FBXO34: variants seen among roughly 807,000 people sequenced by gnomAD.
The protein encoded by FBXO34 is F-box only protein 34.
A neutral mutation model predicts 24.5 loss-of-function variants in FBXO34; 12 were observed. That is an observed-to-expected ratio of 0.49 (90% CI 0.31 to 0.79). The LOEUF is 0.79. Ranked by LOEUF, FBXO34 falls within the 30% of genes least tolerant of loss-of-function variation. The probability of loss-of-function intolerance (pLI) is 0.04; values close to 1 mark genes in which losing one functional copy is unlikely to be tolerated. For synonymous variants in FBXO34, 320 were observed against 311.9 expected (o/e 1.03, Z -0.27); for missense variants, 823 against 857.7 (o/e 0.96, Z 0.51).
Position 55,351,198 on chromosome 14 carries a change from G to A in FBXO34, c.808G>A (p.Gly270Ser). 1.2e-6 allele frequency: 2 copies of A among 1,614,200 alleles called. No individual in the cohort carries two copies. The highest frequency in any genetic ancestry group is 1.7e-6 in the Non-Finnish European group (2 of 1,180,042). ...CACAGAAAGGGGAAATCTTGAGGTT[G>A]GTGAACCACAGAGCGAACCAGTCCG... Reference protein sequence around the residue: ...EPTERGNLEVGEPQSEPVRVL... With the variant: ...EPTERGNLEVSEPQSEPVRVL... Residue 270 changes from glycine (G) to serine (S), a missense_variant, in exon 2 of 2, where the codon GGT becomes AGT. Physicochemically the swap from Gly to Ser is moderately conservative, Grantham distance 56. This residue lies in a region of FBXO34 where 693 missense variants were observed against 659.1 expected (regional missense o/e 1.05). Coordinates refer to ENST00000313833, the MANE Select transcript of FBXO34 (RefSeq NM_017943.4).
downstream of FBXO34, among the ~76,000 whole-genome samples, chr14:55,358,202 A>AAGG (rs1884548436): frequency 6.6e-6 from 1 of 152,192 alleles, no homozygotes; most frequent in South Asian, 2.1e-4. Context: ...TGGCTGCCCT[A>AAGG]GTGCCTAAGC....
At chr14:55,416,443 AAAAT>A in the FBXO34 span, among the ~76,000 whole-genome samples, 2 of 152,182 alleles carry the variant, frequency 1.3e-5, no homozygotes, top group Non-Finnish European at 1.5e-5. Flanking sequence ...ATAAAGGAAA[AAAAT>A]AAAAAGAGAA....
the FBXO34 span, chr14:55,433,758 A>G: frequency 1.3e-6 from 2 of 1,587,480 alleles, no homozygotes; most frequent in Non-Finnish European, 1.7e-6. Flanking sequence ...AGCCTCTGCT[A>G]GGAGTTAACA....
At chr14:55,380,009 G>A in the FBXO34 span, among the ~76,000 whole-genome samples, 1 of 152,198 alleles carries the variant, frequency 6.6e-6, no homozygotes, top group African/African-American at 2.4e-5. Context: ...CACTTTGGGA[G>A]ACCGAGGCAG....
the FBXO34 span, chr14:55,394,828 ACCC>A: frequency 1.3e-5 from 4 of 305,242 alleles, no homozygotes; most frequent in Admixed American, 8.6e-5. Flanking sequence ...ATAAAAACTA[ACCC>A]CCCAACTACG....
the FBXO34 span, among the ~76,000 whole-genome samples, chr14:55,402,893 C>CAAAAAAA: frequency 1.8e-4 from 2 of 11,100 alleles, 1 homozygote; most frequent in Non-Finnish European, 3.2e-4. Context: ...TCCATCTCTA[C>CAAAAAAA]AAAAAAAAAA....
intron 1 of FBXO34, among the ~76,000 whole-genome samples, chr14:55,310,684 AT>A (rs1882705355): frequency 1.3e-5 from 2 of 152,318 alleles, no homozygotes; most frequent in South Asian, 4.1e-4. Context: ...TCCAGAAATG[AT>A]TCTATACCAA....
chr14:55,300,393 C>G (rs1335825563), intron 1 of FBXO34, among the ~76,000 whole-genome samples: 1 of 152,106 alleles, frequency 6.6e-6, no homozygotes, highest in Non-Finnish European at 1.5e-5. Flanking sequence ...GAGTTCCAGA[C>G]CAGCGTGGCC....
intron 1 of FBXO34, among the ~76,000 whole-genome samples, chr14:55,286,751 A>G (rs1393845136): frequency 6.6e-6 from 1 of 152,128 alleles, no homozygotes; most frequent in Non-Finnish European, 1.5e-5. Flanking sequence ...TGTTTGTACT[A>G]CAGGTTGAGT....
In FBXO34 at chr14:55,307,700, T is replaced by C. The variant is rs549048623; in HGVS notation, c.-11+36163T>C. ...TCTGATTTAAAATAACTTTATCAAG[T>C]GATGGAGGAAAAAGTAAATATAATG... On this transcript the variant is annotated intron_variant, in intron 1 of 1. Coordinates refer to ENST00000313833, the MANE Select transcript of FBXO34 (RefSeq NM_017943.4). Among the ~76,000 whole-genome samples the C allele has an allele frequency of 6.9e-4, 105 of 152,280 alleles. 1 individual carries two copies. Among genetic ancestry groups the C allele is most frequent in the African/African-American group, 2.3e-3 (96 of 41,552 alleles).
Position 55,352,190 on chromosome 14 carries a change from TAC to T in FBXO34, c.1801_1802del (p.Thr601LeufsTer9). On this transcript the variant is annotated frameshift_variant, in exon 2 of 2. Coordinates refer to ENST00000313833, the MANE Select transcript of FBXO34 (RefSeq NM_017943.4). LOFTEE classifies it high-confidence loss of function. Reference protein sequence around the residue: ...PTKSLVALKCTCCYFKFIIEY... With the variant: ...PTKSLVALKCXCCYFKFIIEY... ...CCAAGAGTTTAGTGGCCCTTAAATG[TAC>T]CTGCTGCTATTTCAAGTTTATCATT... 6.2e-7 allele frequency: 1 copy of T among 1,614,208 alleles called. No homozygotes were observed. Among genetic ancestry groups the T allele is most frequent in the Non-Finnish European group, 8.5e-7 (1 of 1,180,024 alleles).
chr14:55,430,573 T>G, the FBXO34 span, among the ~76,000 whole-genome samples: 4 of 151,978 alleles, frequency 2.6e-5, no homozygotes, highest in African/African-American at 9.7e-5. Flanking sequence ...CTGCCTAAAT[T>G]TTTATAGAGA....
chr14:55,388,934 T>C, the FBXO34 span, among the ~76,000 whole-genome samples: 2 of 152,054 alleles, frequency 1.3e-5, no homozygotes, highest in Non-Finnish European at 2.9e-5. Context: ...AAATACAGAG[T>C]AAGCACGTTG....
At chr14:55,425,629 C>T in the FBXO34 span, among the ~76,000 whole-genome samples, 2 of 152,118 alleles carry the variant, frequency 1.3e-5, no homozygotes, top group Admixed American at 6.6e-5. Flanking sequence ...TTGAGAATAT[C>T]GAACACCTGC....
chr14:55,292,077 T>A (rs982337727), intron 1 of FBXO34, among the ~76,000 whole-genome samples: 9 of 152,236 alleles, frequency 5.9e-5, no homozygotes, highest in African/African-American at 2.2e-4. Context: ...TATTTTTAAC[T>A]GATCTTAAAG....
chr14:55,327,713 G>A (rs1287720683), intron 1 of FBXO34, among the ~76,000 whole-genome samples: 2 of 151,910 alleles, frequency 1.3e-5, no homozygotes, highest in Non-Finnish European at 2.9e-5. Flanking sequence ...TGGAGATTTC[G>A]AATAGACAGT....
At chr14:55,287,713 A>G (rs1881808591) in intron 1 of FBXO34, among the ~76,000 whole-genome samples, 1 of 152,186 alleles carries the variant, frequency 6.6e-6, no homozygotes, top group Admixed American at 6.5e-5. Flanking sequence ...TAGGGAAGAG[A>G]AGGCATTCTG....
the FBXO34 span, among the ~76,000 whole-genome samples, chr14:55,420,257 G>A: frequency 6.6e-6 from 1 of 152,236 alleles, no homozygotes; most frequent in Admixed American, 6.5e-5. Flanking sequence ...TTTAAGTAGA[G>A]ACAGGGTCTT....
the FBXO34 span, among the ~76,000 whole-genome samples, chr14:55,400,701 G>A: frequency 1.3e-4 from 20 of 152,180 alleles, no homozygotes; most frequent in South Asian, 3.5e-3. Flanking sequence ...TCAGGAGTTC[G>A]AGACCAGCCA....
Sources: allele counts gnomAD v4.1 joint callset (sites outside exome capture counted in the v4.1 genomes callset), GRCh38; gene constraint gnomAD v4.1.1; regional missense constraint gnomAD v4.1.1; transcripts MANE v1.5; gene names NCBI Gene and HGNC (gene_info 2026-07-23, HGNC 2026-07-21).